Variants in MCTP1 observed in about 807,000 individuals in gnomAD.
MCTP1 encodes multiple C2 and transmembrane domain-containing protein 1.
Under a neutral mutation model 120.6 loss-of-function variants are expected in MCTP1, and 69 were observed. The ratio of observed to expected loss-of-function variants is 0.57; its 90% CI spans 0.47 to 0.70. The LOEUF (loss-of-function observed/expected upper bound fraction) is 0.70, where lower values mean the gene tolerates loss of function less well. Among genes scored for constraint, MCTP1 ranks in the 30% least tolerant of loss-of-function variants. The probability of loss-of-function intolerance (pLI) is 0.00; values close to 1 mark genes in which losing one functional copy is unlikely to be tolerated. For synonymous variants in MCTP1, 529 were observed against 493.1 expected (o/e 1.07, Z -0.96); for missense variants, 1,203 against 1,248.8 (o/e 0.96, Z 0.55).
At chr5:94,988,502 G>C (rs1830829994) in intron 2 of MCTP1, among the ~76,000 whole-genome samples, 1 of 151,500 alleles carries the variant, frequency 6.6e-6, no homozygotes, top group East Asian at 1.9e-4. Context: ...TGAAATGAAA[G>C]TGTTCTTCAG....
At chr5:95,278,652 G>T (rs1393337818) in intron 1 of MCTP1, among the ~76,000 whole-genome samples, 3 of 152,114 alleles carry the variant, frequency 2.0e-5, no homozygotes, top group African/African-American at 4.8e-5. Context: ...TTAAAGCAAA[G>T]AACTTTCTGT....
intron 19 of MCTP1, among the ~76,000 whole-genome samples, chr5:94,725,304 G>A (rs949302283): frequency 6.6e-6 from 1 of 152,364 alleles, no homozygotes; most frequent in Admixed American, 6.5e-5. Context: ...GCCCTTCAGA[G>A]TCCATTGAAA....
At chr5:94,913,235 A>C (rs897837347) in intron 8 of MCTP1, among the ~76,000 whole-genome samples, 1 of 152,182 alleles carries the variant, frequency 6.6e-6, no homozygotes, top group African/African-American at 2.4e-5. Context: ...TAAGATTACA[A>C]GATGTAGATA....
intron 19 of MCTP1, among the ~76,000 whole-genome samples, chr5:94,729,165 G>A (rs1276428435): frequency 1.3e-5 from 2 of 152,182 alleles, no homozygotes; most frequent in Non-Finnish European, 2.9e-5. Context: ...ACTACTCTAA[G>A]TATTTCAAAC....
chr5:95,058,132 A>G (rs1038661897), intron 1 of MCTP1, among the ~76,000 whole-genome samples: 3 of 152,214 alleles, frequency 2.0e-5, no homozygotes, highest in African/African-American at 7.2e-5. Flanking sequence ...GGGATAAAAT[A>G]GCTGATGCTT....
At chr5:94,831,648 G>A (rs1041787380) in intron 17 of MCTP1, among the ~76,000 whole-genome samples, 1 of 152,098 alleles carries the variant, frequency 6.6e-6, no homozygotes, top group Admixed American at 6.6e-5. Flanking sequence ...GGAGTCAAAG[G>A]TGCTTAAATA....
At chr5:94,904,366 C>A (rs1806263222) in intron 10 of MCTP1, among the ~76,000 whole-genome samples, 2 of 152,154 alleles carry the variant, frequency 1.3e-5, no homozygotes, top group Admixed American at 1.3e-4. Context: ...ATAATATGAA[C>A]CACCCCTGCT....
At position 94,844,750 on chromosome 5, in the gene MCTP1, T is replaced by C. The variant is rs550731939; in HGVS notation, c.2436+23583A>G. On this transcript the variant is annotated intron_variant, in intron 17 of 22. Coordinates refer to ENST00000515393, the MANE Select transcript of MCTP1 (RefSeq NM_024717.7). ...CTTTATATTGATGATTTTCTAAAAA[T>C]AGATCTTCACTATTTCTTTCCCTTC... Among the ~76,000 whole-genome samples, 5 of 152,312 alleles carry C rather than the reference T, an allele frequency of 3.3e-5. No homozygotes were observed. In the South Asian group the frequency reaches 1.0e-3, roughly 32 times the overall value.
chr5:95,220,374 C>T (rs575514245), intron 1 of MCTP1, among the ~76,000 whole-genome samples: 28 of 151,156 alleles, frequency 1.9e-4, no homozygotes, highest in African/African-American at 6.3e-4. Flanking sequence ...AGTCCGCTGG[C>T]CTCTACAAGC....
chr5:94,760,285 T>C (rs1454620292), intron 19 of MCTP1, among the ~76,000 whole-genome samples: 3 of 152,302 alleles, frequency 2.0e-5, no homozygotes, highest in Admixed American at 2.0e-4. Flanking sequence ...TATATGACTC[T>C]GAGGTTAGCT....
intron 17 of MCTP1, among the ~76,000 whole-genome samples, chr5:94,852,942 T>A (rs922439661): frequency 4.6e-5 from 7 of 152,016 alleles, no homozygotes; most frequent in African/African-American, 7.2e-5. Context: ...CATTGTTCAC[T>A]ATTTTCAAAG....
intron 1 of MCTP1, among the ~76,000 whole-genome samples, chr5:95,280,397 C>T (rs1760217661): frequency 6.6e-6 from 1 of 152,200 alleles, no homozygotes; most frequent in South Asian, 2.1e-4. Flanking sequence ...ATAAACACTA[C>T]ATGCTTTTGT....
chr5:94,753,873 C>T (rs1479853813), intron 19 of MCTP1, among the ~76,000 whole-genome samples: 3 of 152,120 alleles, frequency 2.0e-5, no homozygotes, highest in South Asian at 2.1e-4. Context: ...GGAAGGAAAG[C>T]GTAATTGGTG....
intron 1 of MCTP1, among the ~76,000 whole-genome samples, chr5:95,061,458 C>T (rs988617829): frequency 9.5e-5 from 3 of 31,606 alleles, no homozygotes; most frequent in East Asian, 8.5e-4. Context: ...TTTTTTGAGA[C>T]GGAGTCTCGC....
chr5:95,147,150 G>A lies in MCTP1; in HGVS notation c.721-129666C>T, dbSNP rs1159268990. Among the ~76,000 whole-genome samples the A allele has an allele frequency of 3.3e-5, 5 of 152,018 alleles. No homozygotes were observed. In the South Asian group the frequency reaches 8.3e-4, roughly 25 times the overall value. On this transcript the variant is annotated intron_variant, in intron 1 of 22. Coordinates refer to ENST00000515393, the MANE Select transcript of MCTP1 (RefSeq NM_024717.7). ...TGACCAGGCTGGAGTGCAGTGGTGT[G>A]ATCTTGGCTCAGTGCCAGCTCCGCC...
intron 1 of MCTP1, among the ~76,000 whole-genome samples, chr5:95,228,795 T>G (rs1754590927): frequency 6.6e-6 from 1 of 152,108 alleles, no homozygotes; most frequent in African/African-American, 2.4e-5. Flanking sequence ...GTGTAGCACC[T>G]CCCCGCAACT....
chr5:95,189,128 C>T (rs143356816), intron 1 of MCTP1, among the ~76,000 whole-genome samples: 1,593 of 152,224 alleles, frequency 0.01, 14 homozygotes, highest in Middle Eastern at 0.031. Flanking sequence ...GATTTTCCTA[C>T]TCAGAAATAG....
At chr5:94,943,701 G>A (rs532328990) in intron 3 of MCTP1, among the ~76,000 whole-genome samples, 2 of 152,024 alleles carry the variant, frequency 1.3e-5, no homozygotes, top group East Asian at 3.9e-4. Context: ...TACAAATTCT[G>A]ATAAGTGTTT....
intron 17 of MCTP1, among the ~76,000 whole-genome samples, chr5:94,844,705 T>A (rs1316761738): frequency 6.6e-6 from 1 of 152,198 alleles, no homozygotes; most frequent in Non-Finnish European, 1.5e-5. Flanking sequence ...TTTCTGAACC[T>A]CTTGCACTCA....
Sources: gnomAD v4.1 joint callset for allele counts (sites outside exome capture counted in the v4.1 genomes callset) on GRCh38, gnomAD v4.1.1 for gene constraint, MANE v1.5 for transcripts, NCBI Gene and HGNC (gene_info 2026-07-23, HGNC 2026-07-21) for gene names.